MAGI1: variants seen among roughly 807,000 people sequenced by gnomAD.
The protein encoded by MAGI1 is membrane-associated guanylate kinase, WW and PDZ domain-containing protein 1.
A neutral mutation model predicts 139.9 loss-of-function variants in MAGI1; 58 were observed. The ratio of observed to expected loss-of-function variants is 0.41; its 90% CI spans 0.34 to 0.52. The LOEUF is 0.52. MAGI1 is among the 20% of genes least tolerant of loss of function. The pLI is 0.12. For synonymous variants in MAGI1, 812 were observed against 737.9 expected (o/e 1.10, Z -1.63); for missense variants, 1,874 against 1,901.6 (o/e 0.99, Z 0.27).
chr3:65,922,971 G>A (rs2062292329), intron 1 of MAGI1, among the ~76,000 whole-genome samples: 1 of 152,134 alleles, frequency 6.6e-6, no homozygotes, highest in Non-Finnish European at 1.5e-5. Context: ...AGGAACATCT[G>A]GCTATGCTGA....
intron 2 of MAGI1, among the ~76,000 whole-genome samples, chr3:65,570,005 T>C (rs886203646): frequency 6.6e-6 from 1 of 150,614 alleles, no homozygotes; most frequent in Non-Finnish European, 1.5e-5. Context: ...AGATGAGAGG[T>C]AGTATACTCT....
At chr3:65,462,779 C>T (rs1006848157) in intron 5 of MAGI1, among the ~76,000 whole-genome samples, 1 of 152,132 alleles carries the variant, frequency 6.6e-6, no homozygotes, top group African/African-American at 2.4e-5. Flanking sequence ...TTATTTGTGT[C>T]CTCTCTTATC....
chr3:65,471,915 T>C (rs1950581448), intron 4 of MAGI1, among the ~76,000 whole-genome samples: 1 of 152,108 alleles, frequency 6.6e-6, no homozygotes, highest in South Asian at 2.1e-4. Context: ...TGACATGACC[T>C]GCCAGAGAAT....
At chr3:65,415,994 C>T (rs1334804002) in intron 12 of MAGI1, among the ~76,000 whole-genome samples, 1 of 152,050 alleles carries the variant, frequency 6.6e-6, no homozygotes, top group Non-Finnish European at 1.5e-5. Flanking sequence ...CAATCATCTG[C>T]CATTTTGGTA....
intron 1 of MAGI1, among the ~76,000 whole-genome samples, chr3:66,030,601 G>A (rs191672349): frequency 1.8e-3 from 281 of 152,270 alleles, no homozygotes; most frequent in African/African-American, 6.3e-3. Context: ...TCAATAATGT[G>A]CTCACAAGAG....
At chr3:65,855,192 A>T (rs1180028077) in intron 1 of MAGI1, among the ~76,000 whole-genome samples, 1 of 151,396 alleles carries the variant, frequency 6.6e-6, no homozygotes, top group African/African-American at 2.4e-5. Flanking sequence ...AGATGCCATT[A>T]TAAGCAGGAA....
chr3:65,916,423 G>T (rs1576024184), intron 1 of MAGI1, among the ~76,000 whole-genome samples: 1 of 152,290 alleles, frequency 6.6e-6, no homozygotes, highest in African/African-American at 2.4e-5. Context: ...GTTCCATGTG[G>T]CTGGGGAGGC....
chr3:65,552,558 C>T (rs2079888781), intron 2 of MAGI1, among the ~76,000 whole-genome samples: 1 of 152,100 alleles, frequency 6.6e-6, no homozygotes, highest in South Asian at 2.1e-4. Context: ...TAGAAGCCCT[C>T]TCAAGACTAT....
intron 1 of MAGI1, among the ~76,000 whole-genome samples, chr3:65,678,556 C>T (rs1042771836): frequency 6.6e-6 from 1 of 152,122 alleles, no homozygotes; most frequent in East Asian, 1.9e-4. Flanking sequence ...GTGGAGGGAA[C>T]AGATCATGTC....
intron 2 of MAGI1, among the ~76,000 whole-genome samples, chr3:65,520,628 C>G (rs1346524429): frequency 4.6e-5 from 7 of 152,134 alleles, no homozygotes; most frequent in African/African-American, 1.4e-4. Flanking sequence ...TTAAAAATGG[C>G]ACCATATCAT....
intron 17 of MAGI1, among the ~76,000 whole-genome samples, chr3:65,378,070 TAGTA>T (rs1251583744): frequency 6.6e-6 from 1 of 152,236 alleles, no homozygotes; most frequent in Non-Finnish European, 1.5e-5. Flanking sequence ...TTGTATTCCA[TAGTA>T]AGTAACAAAT....
intron 1 of MAGI1, among the ~76,000 whole-genome samples, chr3:65,635,683 C>G (rs1278431785): frequency 6.6e-6 from 1 of 152,218 alleles, no homozygotes; most frequent in African/African-American, 2.4e-5. Flanking sequence ...GCAAATACAA[C>G]TGAGATCCCA....
intron 18 of MAGI1, chr3:65,371,880 C>G (rs1942037297): frequency 2.3e-6 from 1 of 442,274 alleles, no homozygotes; most frequent in Non-Finnish European, 4.5e-6. Flanking sequence ...CTTCCGGCTC[C>G]ACTTCCAATT....
chr3:65,845,788 A>G (rs2058972743), intron 1 of MAGI1, among the ~76,000 whole-genome samples: 1 of 152,192 alleles, frequency 6.6e-6, no homozygotes, highest in Admixed American at 6.5e-5. Flanking sequence ...TCCAAATGAC[A>G]ACCTGAATTT....
At chr3:65,507,382 G>A (rs1010764574) in intron 2 of MAGI1, among the ~76,000 whole-genome samples, 1 of 152,172 alleles carries the variant, frequency 6.6e-6, no homozygotes, top group Non-Finnish European at 1.5e-5. Flanking sequence ...ATGAGCAAAG[G>A]CTGAGAAACA....
At chr3:65,592,535 T>C in intron 2 of MAGI1, among the ~76,000 whole-genome samples, 1 of 152,142 alleles carries the variant, frequency 6.6e-6, no homozygotes, top group East Asian at 1.9e-4. Flanking sequence ...TATTAAGATG[T>C]CAATTTCAGA....
rs200749979 is a variant in MAGI1, at chr3:65,963,615, C to CTAAATAAA, written c.313+74373_313+74380dup. Among the ~76,000 whole-genome samples the CTAAATAAA allele has an allele frequency of 8.5e-3, 1,299 of 152,114 alleles. 12 individuals carry two copies. The highest frequency in any genetic ancestry group is 0.03 in the African/African-American group (1,224 of 41,470). ...TAGGTGACAAAGCGAGACTCAGTCT[C>CTAAATAAA]TAAATAAATAAATAAATAAAAATAA... On this transcript the variant is annotated intron_variant, in intron 1 of 22. Coordinates refer to ENST00000402939, the MANE Select transcript of MAGI1 (RefSeq NM_001033057.2).
chr3:65,411,290 C>T (rs1000827104), intron 12 of MAGI1, among the ~76,000 whole-genome samples: 9 of 152,040 alleles, frequency 5.9e-5, no homozygotes, highest in Non-Finnish European at 1.0e-4. Context: ...ACTACCATAC[C>T]GACAACTTGA....
At chr3:65,658,607 T>C (rs2086018969) in intron 1 of MAGI1, among the ~76,000 whole-genome samples, 1 of 152,170 alleles carries the variant, frequency 6.6e-6, no homozygotes, top group Non-Finnish European at 1.5e-5. Flanking sequence ...GATGAGTCCT[T>C]ACATTCTGCA....
Sources: allele counts gnomAD v4.1 joint callset (sites outside exome capture counted in the v4.1 genomes callset), GRCh38; gene constraint gnomAD v4.1.1; transcripts MANE v1.5; gene names NCBI Gene and HGNC (gene_info 2026-07-23, HGNC 2026-07-21).